The following LSAMP variants were observed in gnomAD, a reference collection of about 807,000 sequenced individuals.
The protein encoded by LSAMP is limbic system-associated membrane protein.
LSAMP carries 7 observed loss-of-function variants against 38.6 expected under a neutral mutation model. The ratio of observed to expected loss-of-function variants is 0.18; its 90% CI spans 0.10 to 0.34. The LOEUF is 0.34. Among genes scored for constraint, LSAMP ranks in the 10% least tolerant of loss-of-function variants. The pLI is 1.00. For synonymous variants in LSAMP, 154 were observed against 166.8 expected (o/e 0.92, Z 0.59); for missense variants, 313 against 420.0 (o/e 0.75, Z 2.23).
chr3:115,830,495 T>C (rs1162359703), intron 6 of LSAMP, among the ~76,000 whole-genome samples: 1 of 152,194 alleles, frequency 6.6e-6, no homozygotes, highest in Non-Finnish European at 1.5e-5. Flanking sequence ...CCTTTGATCA[T>C]TAAAAAGTGT....
chr3:116,077,445 C>T lies in LSAMP; in HGVS notation c.388+8879G>A, dbSNP rs1707769876. On this transcript the variant is annotated intron_variant, in intron 2 of 6. Coordinates refer to ENST00000490035, the MANE Select transcript of LSAMP (RefSeq NM_002338.5). ...TTATCTCATGATTTTTGTCTGTTGA[C>T]TTTGTAATGAAGTATATTTTATTCA... 2.0e-5 allele frequency among the ~76,000 whole-genome samples: 3 copies of T among 151,790 alleles called. No individual in the cohort carries two copies. In the South Asian group the frequency reaches 6.2e-4, roughly 32 times the overall value.
At chr3:115,818,596 C>G (rs1428283827) in intron 6 of LSAMP, among the ~76,000 whole-genome samples, 1 of 151,346 alleles carries the variant, frequency 6.6e-6, no homozygotes, top group Non-Finnish European at 1.5e-5. Context: ...GTGCCAGACA[C>G]ATAATAAATG....
At chr3:116,398,150 A>C (rs1447602699) in intron 1 of LSAMP, among the ~76,000 whole-genome samples, 1 of 152,110 alleles carries the variant, frequency 6.6e-6, no homozygotes, top group African/African-American at 2.4e-5. Context: ...TCAAACCATA[A>C]ATTTAAGACG....
chr3:116,250,622 G>A (rs2046668042), intron 1 of LSAMP, among the ~76,000 whole-genome samples: 1 of 151,836 alleles, frequency 6.6e-6, no homozygotes, highest in African/African-American at 2.4e-5. Flanking sequence ...AGCACTTAGG[G>A]AGGCTGACAT....
intron 1 of LSAMP, among the ~76,000 whole-genome samples, chr3:116,399,444 G>A (rs918257424): frequency 1.9e-4 from 29 of 152,142 alleles, no homozygotes; most frequent in African/African-American, 6.8e-4. Context: ...AGATGTTAAG[G>A]AAGAGAGATG....
chr3:116,392,420 A>G (rs1394138425), intron 1 of LSAMP, among the ~76,000 whole-genome samples: 1 of 152,204 alleles, frequency 6.6e-6, no homozygotes, highest in Non-Finnish European at 1.5e-5. Flanking sequence ...TGCTGCTGTC[A>G]CAGCCCAGCT....
Position 116,335,722 on chromosome 3 carries a change from C to T in LSAMP, c.155+109155G>A, listed in dbSNP as rs7633539. ...AAACATCAAAGCTTAGCCTAACCTA[C>T]CTTAAGCATGCTCAGAACACTTACA... On this transcript the variant is annotated intron_variant, in intron 1 of 6. Transcript: ENST00000490035. Among the ~76,000 whole-genome samples, 259 of 152,136 alleles carry T rather than the reference C, an allele frequency of 1.7e-3. 2 individuals are homozygous for T. The highest frequency in any genetic ancestry group is 5.8e-3 in the African/African-American group (242 of 41,544).
Position 115,887,794 on chromosome 3 carries a change from G to A in LSAMP, c.515-35177C>T, listed in dbSNP as rs182712592. Among the ~76,000 whole-genome samples, 20 of 151,948 alleles carry A rather than the reference G, an allele frequency of 1.3e-4. 1 individual carries two copies. The highest frequency in any genetic ancestry group is 1.1e-3 in the Admixed American group (17 of 15,216). ...AAATAGGTAGAAATTTAGAGCAGGCGACCTTGGGGAGATTTGGGAAGTCAC... is the reference window on the plus strand; with the variant it reads ...AAATAGGTAGAAATTTAGAGCAGGCAACCTTGGGGAGATTTGGGAAGTCAC... On this transcript the variant is annotated intron_variant, in intron 3 of 6. Coordinates refer to ENST00000490035, the MANE Select transcript of LSAMP (RefSeq NM_002338.5).
chr3:115,994,140 G>A (rs1269696854), intron 3 of LSAMP, among the ~76,000 whole-genome samples: 1 of 152,072 alleles, frequency 6.6e-6, no homozygotes, highest in African/African-American at 2.4e-5. Flanking sequence ...TGAAGAGAGT[G>A]ACTTCCTGGA....
chr3:115,866,180 C>A (rs561805768), intron 3 of LSAMP, among the ~76,000 whole-genome samples: 84 of 152,202 alleles, frequency 5.5e-4, no homozygotes, highest in African/African-American at 2.0e-3. Context: ...TTTAATCAAT[C>A]ATATCATATT....
intron 1 of LSAMP, among the ~76,000 whole-genome samples, chr3:116,337,677 G>T (rs2047938928): frequency 6.6e-6 from 1 of 151,896 alleles, no homozygotes; most frequent in Non-Finnish European, 1.5e-5. Context: ...GTGCCCCTGG[G>T]TCTCCTTGAC....
At chr3:116,432,106 G>A (rs574564429) in intron 1 of LSAMP, among the ~76,000 whole-genome samples, 3 of 151,726 alleles carry the variant, frequency 2.0e-5, no homozygotes, top group East Asian at 1.9e-4. Flanking sequence ...AAAAAATTAC[G>A]GTAGCCATTG....
intron 1 of LSAMP, among the ~76,000 whole-genome samples, chr3:116,190,446 T>A (rs986322186): frequency 7.2e-5 from 11 of 152,124 alleles, no homozygotes; most frequent in African/African-American, 1.7e-4. Context: ...ACTTTTTTTT[T>A]TTATTATTAT....
chr3:115,933,610 A>G (rs1364445816), intron 3 of LSAMP, among the ~76,000 whole-genome samples: 1 of 152,190 alleles, frequency 6.6e-6, no homozygotes, highest in Non-Finnish European at 1.5e-5. Context: ...AGAGCTCAGA[A>G]CATCCTGTTG....
intron 3 of LSAMP, among the ~76,000 whole-genome samples, chr3:115,980,845 G>A (rs1939337791): frequency 6.6e-6 from 1 of 152,114 alleles, no homozygotes; most frequent in Non-Finnish European, 1.5e-5. Context: ...GTTGCATGAA[G>A]TAGCCTTTAT....
chr3:115,882,804 T>C (rs1353179091), intron 3 of LSAMP, among the ~76,000 whole-genome samples: 3 of 152,074 alleles, frequency 2.0e-5, no homozygotes, highest in African/African-American at 7.2e-5. Flanking sequence ...TTTGGACTCC[T>C]ATACCTGTTT....
intron 1 of LSAMP, among the ~76,000 whole-genome samples, chr3:116,138,422 A>G (rs1709297785): frequency 6.6e-6 from 1 of 152,120 alleles, no homozygotes; most frequent in African/African-American, 2.4e-5. Flanking sequence ...TAGTAGAAAT[A>G]CAATTTTTAT....
chr3:116,097,554 A>G (rs1420392630), intron 1 of LSAMP, among the ~76,000 whole-genome samples: 1 of 152,236 alleles, frequency 6.6e-6, no homozygotes, highest in Non-Finnish European at 1.5e-5. Context: ...TACAACATGT[A>G]TGCTATAACG....
At position 115,886,440 on chromosome 3, in the gene LSAMP, C is replaced by A. The variant is rs1004621255; in HGVS notation, c.515-33823G>T. Reference sequence around the variant, plus strand: ...GCAGTGATGTAAATGACAATATGCACTATTTAAAATCAGAACAACAAAAGG... The same window carrying A: ...GCAGTGATGTAAATGACAATATGCAATATTTAAAATCAGAACAACAAAAGG... On this transcript the variant is annotated intron_variant, in intron 3 of 6. Coordinates refer to ENST00000490035, the MANE Select transcript of LSAMP (RefSeq NM_002338.5). 6.1e-4 allele frequency among the ~76,000 whole-genome samples: 93 copies of A among 151,942 alleles called. 1 individual carries two copies. The highest frequency in any genetic ancestry group is 2.0e-3 in the African/African-American group (84 of 41,402).
Sources: gnomAD v4.1 joint callset for allele counts (sites outside exome capture counted in the v4.1 genomes callset) on GRCh38, gnomAD v4.1.1 for gene constraint, MANE v1.5 for transcripts, NCBI Gene and HGNC (gene_info 2026-07-23, HGNC 2026-07-21) for gene names.